CDKL3: variants seen among roughly 807,000 people sequenced by gnomAD.
CDKL3 encodes cyclin-dependent kinase-like 3.
Under a neutral mutation model 69.3 loss-of-function variants are expected in CDKL3, and 65 were observed. The ratio of observed to expected loss-of-function variants is 0.94; its 90% CI spans 0.77 to 1.15. CDKL3 has a LOEUF of 1.15. Among genes scored for constraint, CDKL3 ranks in the 50% most tolerant of loss-of-function variants. The pLI is 0.00. For missense variants in CDKL3, 652 were observed against 689.2 expected (o/e 0.95, Z 0.61); for synonymous variants, 202 against 221.6 (o/e 0.91, Z 0.79).
intron 4 of CDKL3, among the ~76,000 whole-genome samples, chr5:134,327,346 C>T (rs563461082): frequency 1.3e-5 from 2 of 152,268 alleles, no homozygotes; most frequent in East Asian, 3.9e-4. Flanking sequence ...TAAGTAGTCA[C>T]CTCTTAAGAG....
intron 7 of CDKL3, among the ~76,000 whole-genome samples, chr5:134,310,931 T>C (rs1769295050): frequency 6.6e-6 from 1 of 152,276 alleles, no homozygotes; most frequent in Non-Finnish European, 1.5e-5. Flanking sequence ...CTTCCATATC[T>C]GACCTTAGCT....
intron 6 of CDKL3, among the ~76,000 whole-genome samples, chr5:134,314,772 A>T (rs1358149127): frequency 6.6e-6 from 1 of 152,218 alleles, no homozygotes; most frequent in African/African-American, 2.4e-5. Context: ...TGGGAATAGA[A>T]AGCAAATCAG....
At chr5:134,284,348 A>G (rs1463119498), downstream of CDKL3, among the ~76,000 whole-genome samples, 1 of 152,184 alleles carries the variant, frequency 6.6e-6, no homozygotes, top group Non-Finnish European at 1.5e-5. Flanking sequence ...TTTATTAGGA[A>G]TTTCAAAAGG....
upstream of CDKL3, chr5:134,371,499 G>A (rs1350629529): frequency 1.8e-5 from 27 of 1,486,816 alleles, 1 homozygote; most frequent in Middle Eastern, 7.2e-4. Context: ...CGGCGGCGGC[G>A]GCGGCGATCC....
chr5:134,364,388 A>G (rs1217341819), intron 2 of CDKL3, among the ~76,000 whole-genome samples: 1 of 152,200 alleles, frequency 6.6e-6, no homozygotes, highest in Non-Finnish European at 1.5e-5. Flanking sequence ...AACATTTCCA[A>G]AATTGAAGTA....
intron 3 of CDKL3, among the ~76,000 whole-genome samples, chr5:134,351,478 A>C (rs1425290690): frequency 6.6e-6 from 1 of 152,196 alleles, no homozygotes; most frequent in East Asian, 1.9e-4. Flanking sequence ...CAAAGGCACA[A>C]TCAAAGCTCA....
chr5:134,344,115 T>G (rs1300858890), intron 4 of CDKL3, among the ~76,000 whole-genome samples: 1 of 152,194 alleles, frequency 6.6e-6, no homozygotes, highest in Non-Finnish European at 1.5e-5. Flanking sequence ...AAGAATGAAC[T>G]TGGACTCTTA....
chr5:134,336,091 C>G (rs1048364806), intron 4 of CDKL3, among the ~76,000 whole-genome samples: 1 of 152,118 alleles, frequency 6.6e-6, no homozygotes, highest in East Asian at 1.9e-4. Context: ...TCACTGATAT[C>G]CTTTCTTCCA....
At chr5:134,302,920 T>A (rs1223323300) in intron 11 of CDKL3, among the ~76,000 whole-genome samples, 2 of 152,046 alleles carry the variant, frequency 1.3e-5, no homozygotes, top group Non-Finnish European at 2.9e-5. Flanking sequence ...TTATTTTATT[T>A]TATTATTCTC....
intron 7 of CDKL3, among the ~76,000 whole-genome samples, chr5:134,310,235 G>C (rs1191806632): frequency 6.6e-6 from 1 of 151,482 alleles, no homozygotes; most frequent in Admixed American, 6.6e-5. Flanking sequence ...ACCCAGGATG[G>C]AGTGCAGTGG....
At chr5:134,366,593 TTTA>T in intron 1 of CDKL3, 49 bp from the exon 2 acceptor site, 2 of 1,173,526 alleles carry the variant, frequency 1.7e-6, no homozygotes, top group South Asian at 1.5e-5. Flanking sequence ...CGTTTATACT[TTTA>T]TTTATTAAAA....
At chr5:134,348,170 T>C (rs1352487425) in intron 4 of CDKL3, among the ~76,000 whole-genome samples, 1 of 152,184 alleles carries the variant, frequency 6.6e-6, no homozygotes, top group Non-Finnish European at 1.5e-5. Flanking sequence ...AAAGGACTGC[T>C]TGAGGGCAGG....
downstream of CDKL3, among the ~76,000 whole-genome samples, chr5:134,286,118 C>CA (rs1392386203): frequency 6.6e-6 from 1 of 151,574 alleles, no homozygotes; most frequent in African/African-American, 2.4e-5. Flanking sequence ...GAGACTGTCT[C>CA]AAAAAAGAAA....
At chr5:134,334,211 C>G (rs1251016868) in intron 4 of CDKL3, among the ~76,000 whole-genome samples, 1 of 151,962 alleles carries the variant, frequency 6.6e-6, no homozygotes, top group African/African-American at 2.4e-5. Flanking sequence ...CTTTATTAGT[C>G]TTGCTAGCAG....
rs551297009 is a variant in CDKL3 at position 134,365,409 on chromosome 5, C to T, written c.165+950G>A. ...TGCTGGGATTACAAGCGTGAGCCAC[C>T]GCACCCGGCCTCATGTCTTTTTTTT... On this transcript the variant is annotated intron_variant, in intron 2 of 12. Coordinates refer to ENST00000265334, the MANE Select transcript of CDKL3 (RefSeq NM_001113575.2). Among the ~76,000 whole-genome samples, 14 of 152,162 alleles carry T rather than the reference C, an allele frequency of 9.2e-5. No homozygotes were observed. In the East Asian group the frequency reaches 2.3e-3, roughly 25 times the overall value.
Position 134,312,377 on chromosome 5 carries a change from A to C in CDKL3, c.796T>G (p.Cys266Gly). The change falls in exon 7 of 13, where the codon TGT becomes GGT. Residue 266 changes from cysteine to glycine, a missense_variant. Cys to Gly is a radical substitution (Grantham distance 159). Transcript: ENST00000265334. ...NGLLADIVHA[C>G]LQIDPADRIS... ...CTGTCAGCAGGATCAATTTGTAAAC[A>C]AGCCTAGGAAAGGAAAAAGATTTTA... The C allele has an allele frequency of 6.4e-7, 1 of 1,568,398 alleles. No homozygotes were observed. The highest frequency in any genetic ancestry group is 8.6e-7 in the Non-Finnish European group (1 of 1,157,130).
chr5:134,321,735 T>C, intron 5 of CDKL3, 56 bp downstream of exon 5: 1 of 932,386 alleles, frequency 1.1e-6, no homozygotes, highest in Non-Finnish European at 1.7e-6. Context: ...CAAGCAGAAT[T>C]GATCTGGCAA....
intron 4 of CDKL3, 56 bp downstream of exon 4, chr5:134,350,193 A>C (rs982522180): frequency 9.4e-6 from 13 of 1,385,288 alleles, no homozygotes; most frequent in African/African-American, 1.5e-5. Flanking sequence ...ATCTCAAAAA[A>C]TAAACAAAAA....
intron 4 of CDKL3, among the ~76,000 whole-genome samples, chr5:134,342,027 C>T: frequency 6.6e-6 from 1 of 152,144 alleles, no homozygotes; most frequent in Non-Finnish European, 1.5e-5. Flanking sequence ...GCCTATTAAA[C>T]CTCTGCTCCT....
Sources: gnomAD v4.1 joint callset for allele counts (sites outside exome capture counted in the v4.1 genomes callset) on GRCh38, gnomAD v4.1.1 for gene constraint, MANE v1.5 for transcripts, NCBI Gene and HGNC (gene_info 2026-07-23, HGNC 2026-07-21) for gene names.